The following SPECC1L variants were observed in gnomAD, a reference collection of about 807,000 sequenced individuals.
SPECC1L encodes sperm antigen with calponin homology and coiled-coil domains 1 like.
Under a neutral mutation model 116.8 loss-of-function variants are expected in SPECC1L, and 40 were observed. The observed-to-expected ratio is 0.34, with a 90% confidence interval of 0.27 to 0.45. The LOEUF is 0.45. Ranked by LOEUF, SPECC1L falls within the 20% of genes least tolerant of loss-of-function variation. SPECC1L has a pLI of 1.00. For synonymous variants in SPECC1L, 504 were observed against 500.6 expected, an observed-to-expected ratio of 1.01 and a Z score of -0.09; for missense variants, 1,110 against 1,373.6, an observed-to-expected ratio of 0.81 and a Z score of 3.03.
intron 5 of SPECC1L, 145 bp from the exon 6 acceptor site, chr22:24,324,075 T>C (rs2040771853): frequency 4.4e-6 from 3 of 684,812 alleles, no homozygotes; most frequent in Non-Finnish European, 7.8e-6. Flanking sequence ...TTTCATACTT[T>C]TTAACAGTTA....
chr22:24,417,189 G>C lies in SPECC1L; in HGVS notation c.*2566G>C, dbSNP rs2042815675. 6.6e-6 allele frequency: 1 copy of C among 152,580 alleles called. No individual in the cohort carries two copies. Among genetic ancestry groups the C allele is most frequent in the Non-Finnish European group, 1.5e-5 (1 of 68,048 alleles). 9.5% of individuals were successfully genotyped at this position (152,580 alleles called of 1,614,324 possible). A position where few individuals can be genotyped will look rare whatever the true frequency, so the allele number is the denominator to read the frequency against. On this transcript the variant is annotated 3_prime_UTR_variant, in exon 17 of 17. Transcript: ENST00000314328. ...TCTCGATCCCAGGCTTCTGCGGACC[G>C]ACGATACGTTTAAATGTTGTTCTAG... is the stretch of plus-strand genomic sequence containing the variant.
intron 4 of SPECC1L, among the ~76,000 whole-genome samples, chr22:24,317,265 AC>A (rs1206681641): frequency 4.4e-3 from 170 of 38,442 alleles, no homozygotes; most frequent in Middle Eastern, 0.015. Flanking sequence ...CGGGGGGCTG[AC>A]CCCCCCCACC....
intron 10 of SPECC1L, among the ~76,000 whole-genome samples, chr22:24,344,973 C>G (rs2041260493): frequency 6.6e-6 from 1 of 152,104 alleles, no homozygotes; most frequent in African/African-American, 2.4e-5. Context: ...GTAGATTCAA[C>G]ACAATACCAA....
At chr22:24,303,530 AG>A (rs138454944) in intron 3 of SPECC1L, among the ~76,000 whole-genome samples, 170 of 152,242 alleles carry the variant, frequency 1.1e-3, no homozygotes, top group African/African-American at 4.0e-3. Flanking sequence ...TTTGGCGTGG[AG>A]TGCCTGTGTG....
At chr22:24,273,129 G>A (rs903731463) in intron 1 of SPECC1L, among the ~76,000 whole-genome samples, 22 of 152,226 alleles carry the variant, frequency 1.4e-4, no homozygotes, top group Admixed American at 9.8e-4. Context: ...CTTTTAGGAG[G>A]TGTATCTGCG....
At chr22:24,403,313 GAA>G (rs914215527) in intron 14 of SPECC1L, among the ~76,000 whole-genome samples, 1 of 152,066 alleles carries the variant, frequency 6.6e-6, no homozygotes, top group Non-Finnish European at 1.5e-5. Context: ...AAATTGACCT[GAA>G]AAAAACTAAG....
chr22:24,395,844 T>C (rs1317862604), intron 14 of SPECC1L, among the ~76,000 whole-genome samples: 1 of 152,208 alleles, frequency 6.6e-6, no homozygotes, highest in African/African-American at 2.4e-5. Context: ...TTTCACCATG[T>C]TGGCCAGGCT....
chr22:24,319,869 T>A (rs542077610), intron 4 of SPECC1L, among the ~76,000 whole-genome samples: 8 of 152,248 alleles, frequency 5.3e-5, no homozygotes, highest in Non-Finnish European at 1.2e-4. Context: ...AAAATACTTA[T>A]TGATTAGATG....
At chr22:24,390,318 C>T (rs1156802260) in intron 14 of SPECC1L, among the ~76,000 whole-genome samples, 1 of 152,032 alleles carries the variant, frequency 6.6e-6, no homozygotes, top group African/African-American at 2.4e-5. Context: ...GGGAGTTCTT[C>T]CAGTAGACAG....
chr22:24,372,394 G>A (rs1267583011), intron 14 of SPECC1L, among the ~76,000 whole-genome samples: 1 of 152,048 alleles, frequency 6.6e-6, no homozygotes, highest in Non-Finnish European at 1.5e-5. Flanking sequence ...TAAAATACTG[G>A]CAAACGAAAT....
chr22:24,345,990 T>C (rs1034181772), intron 10 of SPECC1L, among the ~76,000 whole-genome samples: 1 of 151,098 alleles, frequency 6.6e-6, no homozygotes, highest in African/African-American at 2.4e-5. Context: ...GTGTTCATGG[T>C]GGATTCTTTC....
chr22:24,314,662 G>A (rs556036033), intron 4 of SPECC1L, among the ~76,000 whole-genome samples: 6 of 152,226 alleles, frequency 3.9e-5, no homozygotes, highest in East Asian at 3.9e-4. Context: ...TTTTTATATC[G>A]TAATACCCCC....
intron 2 of SPECC1L, among the ~76,000 whole-genome samples, chr22:24,298,275 G>A (rs1411166354): frequency 2.6e-5 from 4 of 152,132 alleles, no homozygotes; most frequent in Non-Finnish European, 5.9e-5. Flanking sequence ...TGTATTAAAT[G>A]CATTTTTGAT....
At chr22:24,326,697 G>C (rs916859144) in intron 6 of SPECC1L, among the ~76,000 whole-genome samples, 2 of 152,016 alleles carry the variant, frequency 1.3e-5, no homozygotes, top group Non-Finnish European at 2.9e-5. Context: ...AAAAAGCCTG[G>C]TACAAAGTTG....
chr22:24,289,911 C>T (rs1569405918), intron 2 of SPECC1L, among the ~76,000 whole-genome samples: 1 of 152,168 alleles, frequency 6.6e-6, no homozygotes, highest in East Asian at 1.9e-4. Context: ...AGTTAAACGA[C>T]AATGGCAACA....
intron 10 of SPECC1L, 150 bp from the exon 11 acceptor site, chr22:24,346,936 T>A: frequency 1.4e-6 from 1 of 696,160 alleles, no homozygotes; most frequent in Non-Finnish European, 2.6e-6. Flanking sequence ...TTGATCACAG[T>A]CCATGCCTGT....
At chr22:24,300,604 T>G (rs2049358115) in intron 2 of SPECC1L, among the ~76,000 whole-genome samples, 1 of 152,246 alleles carries the variant, frequency 6.6e-6, no homozygotes, top group Non-Finnish European at 1.5e-5. Flanking sequence ...TGTAAAAGCA[T>G]TCCTATTTCT....
At chr22:24,346,029 T>C (rs1434828592) in intron 10 of SPECC1L, among the ~76,000 whole-genome samples, 1 of 150,692 alleles carries the variant, frequency 6.6e-6, no homozygotes, top group Non-Finnish European at 1.5e-5. Context: ...TTTTTTGAGA[T>C]GGAGTCTCAC....
intron 13 of SPECC1L, among the ~76,000 whole-genome samples, chr22:24,368,311 C>T (rs1332565311): frequency 1.3e-5 from 2 of 152,182 alleles, no homozygotes; most frequent in African/African-American, 2.4e-5. Context: ...TGCCTACTGC[C>T]TGCACATTGC....
Sources: allele counts gnomAD v4.1 joint callset (sites outside exome capture counted in the v4.1 genomes callset), GRCh38; gene constraint gnomAD v4.1.1; transcripts MANE v1.5; gene names NCBI Gene and HGNC (gene_info 2026-07-23, HGNC 2026-07-21).